MARCHF1: variants seen among roughly 807,000 people sequenced by gnomAD.
MARCHF1 encodes the protein E3 ubiquitin-protein ligase MARCHF1.
Under a neutral mutation model 54.2 loss-of-function variants are expected in MARCHF1, and 40 were observed. The ratio of observed to expected loss-of-function variants is 0.74; its 90% CI spans 0.57 to 0.96. MARCHF1 has a LOEUF of 0.96. Ranked by LOEUF, MARCHF1 falls within the 40% of genes least tolerant of loss-of-function variation. The pLI, the probability that MARCHF1 is intolerant of heterozygous loss-of-function variation, is 0.00. For missense variants in MARCHF1, 586 were observed against 656.5 expected (o/e 0.89, Z 1.17); for synonymous variants, 236 against 236.3 (o/e 1.00, Z 0.01).
chr4:164,065,191 T>C (rs1428326646), intron 2 of MARCHF1, among the ~76,000 whole-genome samples: 2 of 152,222 alleles, frequency 1.3e-5, no homozygotes, highest in Admixed American at 6.5e-5. Context: ...AAGTCCCTCC[T>C]TTTCAATTGT....
intron 7 of MARCHF1, among the ~76,000 whole-genome samples, chr4:163,606,362 AT>A (rs1741142197): frequency 6.6e-6 from 1 of 152,080 alleles, no homozygotes; most frequent in Non-Finnish European, 1.5e-5. Flanking sequence ...TGTTCTGAGT[AT>A]TGTGGAGGGC....
chr4:163,718,464 AC>A (rs1329516390), intron 4 of MARCHF1, among the ~76,000 whole-genome samples: 2 of 152,234 alleles, frequency 1.3e-5, no homozygotes, highest in African/African-American at 4.8e-5. Flanking sequence ...CAAGAAAAAA[AC>A]ATTTATTTTA....
intron 4 of MARCHF1, among the ~76,000 whole-genome samples, chr4:163,811,404 G>T (rs1748381790): frequency 6.6e-6 from 1 of 152,036 alleles, no homozygotes; most frequent in South Asian, 2.1e-4. Context: ...ACACTGTAGT[G>T]TGCACCTATA....
At chr4:163,557,440 A>G (rs1560940670) in intron 8 of MARCHF1, among the ~76,000 whole-genome samples, 2 of 152,206 alleles carry the variant, frequency 1.3e-5, no homozygotes, top group African/African-American at 4.8e-5. Context: ...AGTTCCAAGG[A>G]TACCAGAATA....
At chr4:163,787,068 C>T (rs1341079243) in intron 4 of MARCHF1, among the ~76,000 whole-genome samples, 1 of 151,632 alleles carries the variant, frequency 6.6e-6, no homozygotes, top group African/African-American at 2.4e-5. Context: ...ATACTATATA[C>T]AAAAATTAAC....
intron 2 of MARCHF1, among the ~76,000 whole-genome samples, chr4:164,046,359 G>A (rs573666039): frequency 6.6e-6 from 1 of 152,300 alleles, no homozygotes; most frequent in South Asian, 2.1e-4. Context: ...AATATGAGCA[G>A]AAACACAAAA....
intron 1 of MARCHF1, among the ~76,000 whole-genome samples, chr4:164,348,772 G>A (rs1235715563): frequency 6.6e-6 from 1 of 152,174 alleles, no homozygotes; most frequent in Non-Finnish European, 1.5e-5. Flanking sequence ...CAGTCATTAA[G>A]TGACCATGGC....
At chr4:163,979,641 A>G (rs1193541799) in intron 3 of MARCHF1, among the ~76,000 whole-genome samples, 2 of 151,452 alleles carry the variant, frequency 1.3e-5, no homozygotes, top group East Asian at 2.0e-4. Context: ...CCCACCAACA[A>G]TGTACAAGTG....
chr4:164,299,796 G>A (rs954889529), intron 1 of MARCHF1, among the ~76,000 whole-genome samples: 4 of 152,124 alleles, frequency 2.6e-5, no homozygotes, highest in African/African-American at 9.7e-5. Context: ...TAGAGAGGTG[G>A]CACTAATATA....
At chr4:164,234,321 A>C (rs745579674) in intron 1 of MARCHF1, among the ~76,000 whole-genome samples, 7 of 152,172 alleles carry the variant, frequency 4.6e-5, no homozygotes, top group Non-Finnish European at 1.0e-4. Context: ...CTATACAATA[A>C]CTACTTATGG....
intron 3 of MARCHF1, among the ~76,000 whole-genome samples, chr4:163,923,741 C>A: frequency 6.8e-6 from 1 of 148,016 alleles, no homozygotes; most frequent in Admixed American, 6.8e-5. Flanking sequence ...ATTAAGTCTT[C>A]ATGATTTTGA....
In MARCHF1 at chr4:164,205,830, CAAAG is replaced by C. The variant is rs144432185; in HGVS notation, c.-322-94172_-322-94169del. Among the ~76,000 whole-genome samples the C allele has an allele frequency of 5.9e-3, 903 of 151,892 alleles. 4 individuals are homozygous for C. Among genetic ancestry groups the C allele is most frequent in the African/African-American group, 0.02 (844 of 41,448 alleles). ...AGTGAAAAATAATTTGTAAGGTAGC[CAAAG>C]AAAGGAAAATCTAACTGAACTAAAC... On this transcript the variant is annotated intron_variant, in intron 1 of 9. Transcript: ENST00000514618.
chr4:163,726,124 A>C (rs1745644907), intron 4 of MARCHF1, among the ~76,000 whole-genome samples: 1 of 152,202 alleles, frequency 6.6e-6, no homozygotes, highest in Non-Finnish European at 1.5e-5. Context: ...GTACACTGAC[A>C]CATCATTATC....
intron 4 of MARCHF1, among the ~76,000 whole-genome samples, chr4:163,807,014 A>G (rs1017840142): frequency 6.6e-6 from 1 of 152,238 alleles, no homozygotes; most frequent in Non-Finnish European, 1.5e-5. Context: ...ACAAAAGAGT[A>G]TCAGATAAAA....
At chr4:164,189,465 C>A in intron 1 of MARCHF1, 1 of 708,944 alleles carries the variant, frequency 1.4e-6, no homozygotes. Context: ...TTCTTGGTGG[C>A]TCTACTCGAA....
At chr4:164,303,771 G>A (rs930532187) in intron 1 of MARCHF1, among the ~76,000 whole-genome samples, 4 of 151,618 alleles carry the variant, frequency 2.6e-5, no homozygotes, top group African/African-American at 9.7e-5. Flanking sequence ...ACACACATGC[G>A]TGCACACACA....
chr4:164,360,424 G>A (rs914972929), intron 1 of MARCHF1, among the ~76,000 whole-genome samples: 1 of 152,088 alleles, frequency 6.6e-6, no homozygotes, highest in Non-Finnish European at 1.5e-5. Flanking sequence ...CTTTAAAATA[G>A]TTGGAGGGAG....
At chr4:164,053,852 G>T (rs1026642787) in intron 2 of MARCHF1, among the ~76,000 whole-genome samples, 1 of 152,178 alleles carries the variant, frequency 6.6e-6, no homozygotes, top group Admixed American at 6.5e-5. Flanking sequence ...CTAATTGTCA[G>T]AAATAGGCAT....
Position 163,674,525 on chromosome 4 carries a change from T to C in MARCHF1, c.162+26288A>G, listed in dbSNP as rs569837416. On this transcript the variant is annotated intron_variant, in intron 5 of 9. Coordinates refer to ENST00000514618, the MANE Select transcript of MARCHF1 (RefSeq NM_001394959.1). ...AGTGGAAGTGAAAAGGACCGATGAGTTTGCCTGGGGGAGTGGCAGCAAACA... is the reference window on the plus strand; with the variant it reads ...AGTGGAAGTGAAAAGGACCGATGAGCTTGCCTGGGGGAGTGGCAGCAAACA... Among the ~76,000 whole-genome samples, 8 of 151,992 alleles carry C rather than the reference T, an allele frequency of 5.3e-5. No homozygotes were observed. The South Asian group carries it at 1.7e-3, about 32-fold the overall frequency.
Sources: allele counts gnomAD v4.1 joint callset (sites outside exome capture counted in the v4.1 genomes callset), GRCh38; gene constraint gnomAD v4.1.1; transcripts MANE v1.5; gene names NCBI Gene and HGNC (gene_info 2026-07-23, HGNC 2026-07-21).